RAB3A: variants seen among roughly 807,000 people sequenced by gnomAD.
RAB3A encodes RAB3A, member RAS oncogene family.
Under a neutral mutation model 19.7 loss-of-function variants are expected in RAB3A, and 5 were observed. The observed-to-expected ratio is 0.25, with a 90% CI of 0.13 to 0.53. RAB3A has a LOEUF of 0.53. Among genes scored for constraint, RAB3A ranks in the 20% least tolerant of loss-of-function variants. RAB3A has a pLI of 0.95. For missense variants in RAB3A, 189 were observed against 305.6 expected (o/e 0.62, Z 2.85); for synonymous variants, 119 against 122.1 (o/e 0.97, Z 0.17).
chr19:18,198,426 C>T (rs990000411), intron 4 of RAB3A, among the ~76,000 whole-genome samples: 1 of 152,194 alleles, frequency 6.6e-6, no homozygotes, highest in Non-Finnish European at 1.5e-5. Context: ...ATGTGCTCCT[C>T]CCATCCAGGT....
rs779447402 is a variant in RAB3A at position 18,202,767 on chromosome 19, GT to G, written c.1-28del. 1 of 1,577,866 alleles carries G rather than the reference GT, an allele frequency of 6.3e-7. No homozygotes were observed. Among genetic ancestry groups the G allele is most frequent in the Non-Finnish European group, 8.7e-7 (1 of 1,148,312 alleles). ...TGGGGATACCGGGTGTAGCAGAGCC[GT>G]GAGGGGGGCTCTCTCCATCCTCATG... is the stretch of plus-strand genomic sequence containing the variant. On this transcript the variant is annotated intron_variant, in intron 1 of 4. Transcript: ENST00000222256. This position sits in a 1 kb window ranked among gnomAD's most constrained non-coding sequence, Gnocchi z 4.2.
chr19:18,198,958 C>A (rs1967571883), intron 3 of RAB3A, 109 bp from the exon 4 acceptor site: 2 of 1,385,930 alleles, frequency 1.4e-6, no homozygotes, highest in South Asian at 1.4e-5. Flanking sequence ...GACCCAGAAG[C>A]TTGCCCCTCC....
In RAB3A at chr19:18,200,452, AG is replaced by A. The variant is rs758740168; in HGVS notation, c.229-8del. 3.1e-6 allele frequency: 5 copies of A among 1,603,470 alleles called. No individual in the cohort carries two copies. Among genetic ancestry groups the A allele is most frequent in the Middle Eastern group, 1.7e-4 (1 of 6,018 alleles). On this transcript the variant is annotated splice_polypyrimidine_tract_variant and splice_region_variant and intron_variant, in intron 2 of 4. Transcript: ENST00000222256. The stretch of plus-strand genomic sequence containing the variant: ...GCTCTTGCCCTGCTGTGTCCTAGGG[AG>A]GAAGAGATGAAGGTCAGAGAGGACC...
At chr19:18,200,530 C>A in intron 2 of RAB3A, 85 bp from the exon 3 acceptor site, 2 of 1,176,654 alleles carry the variant, frequency 1.7e-6, no homozygotes, top group Non-Finnish European at 2.4e-6. Context: ...TCCAGTTCAG[C>A]CCCCTGGGAG....
chr19:18,200,760 C>T (rs1043102965), intron 2 of RAB3A, among the ~76,000 whole-genome samples: 2 of 151,936 alleles, frequency 1.3e-5, no homozygotes, highest in Non-Finnish European at 2.9e-5. Context: ...CATAGCAAGA[C>T]CCCATCTCTA....
At chr19:18,200,534 C>T (rs1475945933) in intron 2 of RAB3A, 89 bp from the exon 3 acceptor site, 5 of 1,140,122 alleles carry the variant, frequency 4.4e-6, no homozygotes, top group Non-Finnish European at 5.0e-6. Flanking sequence ...GTTCAGCCCC[C>T]TGGGAGAAGC....
rs563413300 is a variant in RAB3A, at chr19:18,197,189, A to T, written c.*281T>A. 2,318 of 302,902 alleles carry T rather than the reference A, an allele frequency of 7.7e-3. 21 individuals are homozygous for T. Among genetic ancestry groups the T allele is most frequent in the Non-Finnish European group, 0.011 (2,007 of 176,454 alleles). The allele number at this position is 302,902 out of a possible 1,614,324, so 18.8% of individuals were successfully genotyped here. ...AAAAAAAGGCGGGGGGGGGGGGTTC[A>T]GGAGGGTGAGCGGTGAGTTCACGGG... is the stretch of plus-strand genomic sequence containing the variant. On this transcript the variant is annotated 3_prime_UTR_variant, in exon 5 of 5. Transcript: ENST00000222256.
chr19:18,203,039 C>A (rs1333510826), intron 1 of RAB3A, among the ~76,000 whole-genome samples: 4 of 152,288 alleles, frequency 2.6e-5, no homozygotes, highest in Admixed American at 1.3e-4. Context: ...AGGGCTGAGC[C>A]CGGAGGGGGT....
chr19:18,200,689 C>G (rs1967596395), intron 2 of RAB3A, among the ~76,000 whole-genome samples: 1 of 151,916 alleles, frequency 6.6e-6, no homozygotes, highest in South Asian at 2.1e-4. Context: ...AATCCCAGCA[C>G]TATGGGAGGC....
chr19:18,200,304 A>G, intron 3 of RAB3A, 23 bp downstream of exon 3: 1 of 1,548,116 alleles, frequency 6.5e-7, no homozygotes, highest in Non-Finnish European at 8.8e-7. Context: ...AAGAAAAAAA[A>G]AGAGCAAGTG....
intron 1 of RAB3A, among the ~76,000 whole-genome samples, chr19:18,203,566 A>C (rs983537684): frequency 1.4e-4 from 21 of 152,174 alleles, no homozygotes; most frequent in Non-Finnish European, 3.1e-4. Flanking sequence ...GCAAGGGTGC[A>C]CACAGACCCG....
intron 2 of RAB3A, among the ~76,000 whole-genome samples, chr19:18,201,729 G>A (rs896036322): frequency 7.2e-5 from 11 of 152,120 alleles, no homozygotes; most frequent in African/African-American, 2.4e-4. Flanking sequence ...AGAAAATAAC[G>A]GTATAAATGT....
Position 18,197,571 on chromosome 19 carries a change from A to G in RAB3A, c.562T>C (p.Ser188Pro). 6.2e-7 allele frequency: 1 copy of G among 1,614,026 alleles called. No homozygotes were observed. Among genetic ancestry groups the G allele is most frequent in the Admixed American group, 1.7e-5 (1 of 60,010 alleles). ...RLVDVICEKM[S>P]ESLDTADPAV... ...GGGTCCGCCGTGTCCAACGACTCGGACATCTTCTCGCAGATGACATCCACC... is the reference window on the plus strand; with the variant it reads ...GGGTCCGCCGTGTCCAACGACTCGGGCATCTTCTCGCAGATGACATCCACC... The change falls in exon 5 of 5, where the codon TCC becomes CCC. Residue 188 changes from serine (S) to proline (P), a missense_variant. Transcript: ENST00000222256.
At chr19:18,199,136 A>G (rs1189160108) in intron 3 of RAB3A, among the ~76,000 whole-genome samples, 1 of 151,950 alleles carries the variant, frequency 6.6e-6, no homozygotes, top group Non-Finnish European at 1.5e-5. Flanking sequence ...TACTGGAATT[A>G]CAGGCATGAG....
Position 18,202,762 on chromosome 19 carries a change from G to A in RAB3A, c.1-22C>T. 1 of 1,595,788 alleles carries A rather than the reference G, an allele frequency of 6.3e-7. No homozygotes were observed. Among genetic ancestry groups the A allele is most frequent in the South Asian group, 1.1e-5 (1 of 90,438 alleles). ...CCATCTGGGGATACCGGGTGTAGCA[G>A]AGCCGTGAGGGGGGCTCTCTCCATC... On this transcript the variant is annotated intron_variant, in intron 1 of 4. Transcript: ENST00000222256. This position sits in a 1 kb window ranked among gnomAD's most constrained non-coding sequence, Gnocchi z 4.2.
rs1001180638 is a variant in RAB3A, at chr19:18,202,146, T to C, written c.228+367A>G. 6.6e-6 allele frequency among the ~76,000 whole-genome samples: 1 copy of C among 152,076 alleles called. No homozygotes were observed. Among genetic ancestry groups the C allele is most frequent in the African/African-American group, 2.4e-5 (1 of 41,416 alleles). ...TACTCAGGAGGCTCAGGTGGAAGAA[T>C]GGTTTGAGCCTGGGAAGTCGAGGCT... On this transcript the variant is annotated intron_variant, in intron 2 of 4. Coordinates refer to ENST00000222256, the MANE Select transcript of RAB3A (RefSeq NM_002866.5). This position sits in a 1 kb window ranked among gnomAD's most constrained non-coding sequence, Gnocchi z 4.2.
intron 3 of RAB3A, among the ~76,000 whole-genome samples, chr19:18,199,576 A>T (rs1967580882): frequency 6.7e-6 from 1 of 149,022 alleles, no homozygotes; most frequent in Admixed American, 6.7e-5. Flanking sequence ...CCCAGGCTGG[A>T]GTGCAATGGC....
chr19:18,199,097 G>T (rs920450888), intron 3 of RAB3A, among the ~76,000 whole-genome samples: 3 of 152,142 alleles, frequency 2.0e-5, no homozygotes, highest in African/African-American at 7.2e-5. Context: ...GCCCAGGCTG[G>T]AGTATCTGCC....
rs748513266 is a variant in RAB3A, at chr19:18,202,715, T to C, written c.26A>G (p.Tyr9Cys). Reference sequence around the variant, plus strand: ...CTGATCCGAGGACTCCTTCTGCCCATAGCGCGAGTCTGTGGCGGATGCCAT... The same window carrying C: ...CTGATCCGAGGACTCCTTCTGCCCACAGCGCGAGTCTGTGGCGGATGCCAT... MASATDSR[Y>C]GQKESSDQNF... The change falls in exon 2 of 5, where the codon TAT becomes TGT. Residue 9 changes from tyrosine to cysteine, a missense_variant. Tyr to Cys is a radical substitution (Grantham distance 194). Coordinates refer to ENST00000222256, the MANE Select transcript of RAB3A (RefSeq NM_002866.5). The surrounding 1 kb of genome is among the most constrained non-coding windows in gnomAD (Gnocchi z 4.2). 61 of 1,613,976 alleles carry C rather than the reference T, an allele frequency of 3.8e-5. 1 individual carries two copies. The South Asian group carries it at 5.4e-4, about 14-fold the overall frequency.
Sources: allele counts gnomAD v4.1 joint callset (sites outside exome capture counted in the v4.1 genomes callset), GRCh38; gene constraint gnomAD v4.1.1; non-coding constraint Gnocchi (gnomAD v3.1); transcripts MANE v1.5; gene names NCBI Gene and HGNC (gene_info 2026-07-23, HGNC 2026-07-21).